Variants in GRID2 observed in about 807,000 individuals in gnomAD.
The protein encoded by GRID2 is glutamate receptor ionotropic, delta-2.
A neutral mutation model predicts 114.8 loss-of-function variants in GRID2; 33 were observed. The observed-to-expected ratio is 0.29, with a 90% CI of 0.22 to 0.38. The LOEUF (loss-of-function observed/expected upper bound fraction) is 0.38, where lower values mean the gene tolerates loss of function less well. GRID2 is among the 10% of genes least tolerant of loss of function. GRID2 has a pLI of 1.00. For missense variants in GRID2, 1,184 were observed against 1,257.7 expected (o/e 0.94, Z 0.89); for synonymous variants, 505 against 449.9 (o/e 1.12, Z -1.55).
At chr4:92,692,946 C>T (rs1344726021) in intron 2 of GRID2, among the ~76,000 whole-genome samples, 1 of 151,534 alleles carries the variant, frequency 6.6e-6, no homozygotes, top group East Asian at 1.9e-4. Context: ...TATCTTGAGT[C>T]CTGGGGGCAG....
intron 2 of GRID2, among the ~76,000 whole-genome samples, chr4:92,932,339 T>G (rs1236956021): frequency 6.6e-6 from 1 of 151,008 alleles, no homozygotes; most frequent in Non-Finnish European, 1.5e-5. Flanking sequence ...CAAGATAAGG[T>G]TTTGCACAAC....
rs373202962 is a variant in GRID2 at position 92,450,257 on chromosome 4, A to G, written c.89-139874A>G. Among the ~76,000 whole-genome samples, 5 of 152,178 alleles carry G rather than the reference A, an allele frequency of 3.3e-5. No individual in the cohort carries two copies. The East Asian group carries it at 5.8e-4, about 18-fold the overall frequency. On this transcript the variant is annotated intron_variant, in intron 1 of 15. Coordinates refer to ENST00000282020, the MANE Select transcript of GRID2 (RefSeq NM_001510.4). ...ATGTATAATAGGTGCAGAATTTATA[A>G]TAGTAGAATGAATAGATGAATTTCC... is the stretch of plus-strand genomic sequence containing the variant.
intron 2 of GRID2, among the ~76,000 whole-genome samples, chr4:92,706,297 G>A (rs1232140955): frequency 2.6e-5 from 4 of 152,112 alleles, no homozygotes; most frequent in Admixed American, 2.0e-4. Context: ...AAAAAAGATT[G>A]TCAACGGTTT....
At chr4:92,896,106 G>A (rs1401626660) in intron 2 of GRID2, among the ~76,000 whole-genome samples, 1 of 152,194 alleles carries the variant, frequency 6.6e-6, no homozygotes, top group African/African-American at 2.4e-5. Context: ...GCCTATGTAA[G>A]TATAATTGTG....
intron 2 of GRID2, among the ~76,000 whole-genome samples, chr4:92,849,727 C>A (rs1743619022): frequency 6.6e-6 from 1 of 151,494 alleles, no homozygotes; most frequent in Non-Finnish European, 1.5e-5. Context: ...TAATCTCTAC[C>A]TTAATTTATT....
intron 2 of GRID2, among the ~76,000 whole-genome samples, chr4:92,676,384 G>T (rs903090775): frequency 6.6e-6 from 1 of 151,900 alleles, no homozygotes; most frequent in Non-Finnish European, 1.5e-5. Context: ...GTTTCACTGT[G>T]TTAGCCAGGA....
chr4:93,477,629 G>C (rs11097367), intron 11 of GRID2, among the ~76,000 whole-genome samples: 36,948 of 151,950 alleles, frequency 0.24, 5,503 homozygotes, highest in Non-Finnish European at 0.34. Context: ...GGATTTAGCA[G>C]TCCCATAAAA....
chr4:92,663,853 T>C (rs1382346510), intron 2 of GRID2, among the ~76,000 whole-genome samples: 29 of 151,304 alleles, frequency 1.9e-4, no homozygotes, highest in Non-Finnish European at 1.5e-5. Context: ...ATTATAATTT[T>C]GGCTACGCTG....
intron 1 of GRID2, among the ~76,000 whole-genome samples, chr4:92,342,736 A>G (rs1054476268): frequency 1.3e-5 from 2 of 152,222 alleles, no homozygotes; most frequent in African/African-American, 4.8e-5. Flanking sequence ...CACTGTGAAG[A>G]AAAGCATACA....
chr4:92,996,952 T>C (rs892000647), intron 2 of GRID2, among the ~76,000 whole-genome samples: 1 of 152,186 alleles, frequency 6.6e-6, no homozygotes, highest in Non-Finnish European at 1.5e-5. Context: ...CAAATATGGC[T>C]ATTTAAAAGT....
rs34052426 is a variant in GRID2 at position 92,310,176 on chromosome 4, GTTTA to G, written c.88+5436_88+5439del. Among the ~76,000 whole-genome samples, 857 of 151,996 alleles carry G rather than the reference GTTTA, an allele frequency of 5.6e-3. 8 individuals are homozygous for G. The highest frequency in any genetic ancestry group is 0.02 in the African/African-American group (816 of 41,496). ...TCACTACAAGTACCACAATTATAGG[GTTTA>G]TTTGTTCATGTAAAACTCATAACTA... On this transcript the variant is annotated intron_variant, in intron 1 of 15. Transcript: ENST00000282020.
At chr4:92,572,770 G>A (rs1302358674) in intron 1 of GRID2, among the ~76,000 whole-genome samples, 1 of 151,876 alleles carries the variant, frequency 6.6e-6, no homozygotes, top group African/African-American at 2.4e-5. Context: ...CAAGGATATT[G>A]GCCTGAAGTT....
At chr4:93,490,341 A>C (rs571464735) in intron 11 of GRID2, among the ~76,000 whole-genome samples, 38 of 152,068 alleles carry the variant, frequency 2.5e-4, no homozygotes, top group Admixed American at 9.8e-4. Flanking sequence ...TTGGAAAGAA[A>C]GCATATACCT....
At chr4:93,017,538 G>A (rs1006433883) in intron 2 of GRID2, among the ~76,000 whole-genome samples, 13 of 151,740 alleles carry the variant, frequency 8.6e-5, no homozygotes, top group African/African-American at 2.2e-4. Context: ...ATATGGCCAC[G>A]CGCAGTGGCT....
chr4:93,622,745 T>G (rs1742325221), intron 13 of GRID2, among the ~76,000 whole-genome samples: 1 of 152,204 alleles, frequency 6.6e-6, no homozygotes, highest in African/African-American at 2.4e-5. Context: ...ACTGAAGGTT[T>G]TAGGCCATTC....
intron 2 of GRID2, among the ~76,000 whole-genome samples, chr4:92,923,828 G>C (rs185066787): frequency 6.6e-6 from 1 of 152,142 alleles, no homozygotes; most frequent in Admixed American, 6.6e-5. Context: ...AACCATTGTG[G>C]AAGTCAGTGA....
chr4:93,061,240 A>AG (rs1220588166), intron 2 of GRID2, among the ~76,000 whole-genome samples: 2 of 141,780 alleles, frequency 1.4e-5, no homozygotes, highest in East Asian at 4.1e-4. Flanking sequence ...TTGAAATTTC[A>AG]GGGGGTTACA....
intron 2 of GRID2, among the ~76,000 whole-genome samples, chr4:92,886,428 C>T (rs1746371500): frequency 6.6e-6 from 1 of 151,944 alleles, no homozygotes; most frequent in South Asian, 2.1e-4. Flanking sequence ...TTGCCAAAAA[C>T]TTTCAGTTAG....
chr4:93,697,581 A>T (rs1727127259), intron 14 of GRID2, among the ~76,000 whole-genome samples: 1 of 152,074 alleles, frequency 6.6e-6, no homozygotes, highest in South Asian at 2.1e-4. Context: ...GTCCAGAAGA[A>T]GATGCAGTGC....
Sources: gnomAD v4.1 joint callset for allele counts (sites outside exome capture counted in the v4.1 genomes callset) on GRCh38, gnomAD v4.1.1 for gene constraint, MANE v1.5 for transcripts, NCBI Gene and HGNC (gene_info 2026-07-23, HGNC 2026-07-21) for gene names.